Variants in CNTNAP2 observed in about 807,000 individuals in gnomAD.
The protein encoded by CNTNAP2 is contactin associated protein 2.
Under a neutral mutation model 155.2 loss-of-function variants are expected in CNTNAP2, and 98 were observed. The observed-to-expected ratio is 0.63, with a 90% CI of 0.54 to 0.75. CNTNAP2 has a LOEUF of 0.75. CNTNAP2 is among the 30% of genes least tolerant of loss of function. The pLI is 0.00. For synonymous variants in CNTNAP2, 651 were observed against 631.2 expected, an observed-to-expected ratio of 1.03 and a Z score of -0.47; for missense variants, 1,727 against 1,688.1, an observed-to-expected ratio of 1.02 and a Z score of -0.40.
At chr7:147,243,813 G>T (rs1165037017) in intron 8 of CNTNAP2, among the ~76,000 whole-genome samples, 2 of 151,766 alleles carry the variant, frequency 1.3e-5, no homozygotes, top group African/African-American at 4.8e-5. Context: ...GTCACAAAGG[G>T]CTGTCATGAA....
At chr7:148,117,632 A>G (rs1419382791) in intron 15 of CNTNAP2, among the ~76,000 whole-genome samples, 13 of 152,146 alleles carry the variant, frequency 8.5e-5, no homozygotes, top group Admixed American at 8.5e-4. Flanking sequence ...GACCAAAGCT[A>G]CCAGTACATA....
chr7:146,368,849 C>CAT (rs34394597), intron 1 of CNTNAP2, among the ~76,000 whole-genome samples: 51,213 of 146,134 alleles, frequency 0.35, 8,944 homozygotes, highest in Admixed American at 0.47. Flanking sequence ...AAATTATATA[C>CAT]ATATATATAT....
chr7:147,342,958 A>G (rs1056834592), intron 9 of CNTNAP2, among the ~76,000 whole-genome samples: 6 of 152,074 alleles, frequency 3.9e-5, no homozygotes, highest in Non-Finnish European at 7.4e-5. Flanking sequence ...CACTTTTTTC[A>G]CGGGTCATAA....
intron 1 of CNTNAP2, among the ~76,000 whole-genome samples, chr7:146,298,636 T>G (rs1563026735): frequency 6.6e-6 from 1 of 152,318 alleles, no homozygotes; most frequent in South Asian, 2.1e-4. Context: ...TCTCATCAAT[T>G]TACTTTTCAC....
At chr7:147,998,778 A>G (rs2116890820) in intron 15 of CNTNAP2, among the ~76,000 whole-genome samples, 1 of 152,300 alleles carries the variant, frequency 6.6e-6, no homozygotes, top group African/African-American at 2.4e-5. Context: ...AACCAGAAAA[A>G]CCGACAAATG....
chr7:148,189,457 C>G (rs1206066923), intron 18 of CNTNAP2, among the ~76,000 whole-genome samples: 1 of 152,022 alleles, frequency 6.6e-6, no homozygotes, highest in African/African-American at 2.4e-5. Flanking sequence ...TATAAGGAAC[C>G]GACTCCTGCA....
At chr7:148,009,011 G>A (rs1477699039) in intron 15 of CNTNAP2, among the ~76,000 whole-genome samples, 1 of 152,146 alleles carries the variant, frequency 6.6e-6, no homozygotes, top group Non-Finnish European at 1.5e-5. Flanking sequence ...TGACATGGTT[G>A]GTCACTGATC....
At chr7:148,403,162 T>G (rs1799628254) in intron 22 of CNTNAP2, among the ~76,000 whole-genome samples, 1 of 139,862 alleles carries the variant, frequency 7.1e-6, no homozygotes, top group African/African-American at 2.7e-5. Context: ...AGTACGTTCC[T>G]GGGAGAAGAC....
chr7:146,366,715 T>G (rs1327783257), intron 1 of CNTNAP2, among the ~76,000 whole-genome samples: 1 of 152,114 alleles, frequency 6.6e-6, no homozygotes. Context: ...GAGACTAAAG[T>G]CCGAACTGAT....
intron 14 of CNTNAP2, among the ~76,000 whole-genome samples, chr7:147,933,056 GGTTT>G (rs71527856): frequency 0.27 from 39,451 of 145,042 alleles, 6,981 homozygotes; most frequent in African/African-American, 0.51. Flanking sequence ...TATTTGAGGG[GGTTT>G]GTTTGTTTGT....
chr7:146,336,829 A>G (rs1801285499), intron 1 of CNTNAP2, among the ~76,000 whole-genome samples: 1 of 152,218 alleles, frequency 6.6e-6, no homozygotes, highest in South Asian at 2.1e-4. Flanking sequence ...TCTCAAGGGC[A>G]GTATGCTGAG....
intron 10 of CNTNAP2, among the ~76,000 whole-genome samples, chr7:147,474,888 G>C (rs141230883): frequency 0.016 from 2,407 of 152,142 alleles, 27 homozygotes; most frequent in Middle Eastern, 0.031. Context: ...TTCTTGGAGG[G>C]GAAAATGGAG....
intron 3 of CNTNAP2, among the ~76,000 whole-genome samples, chr7:146,923,342 T>C (rs1796541961): frequency 6.6e-6 from 1 of 152,152 alleles, no homozygotes; most frequent in Non-Finnish European, 1.5e-5. Flanking sequence ...GTGATGAAGT[T>C]TGTAAGAAAC....
intron 1 of CNTNAP2, among the ~76,000 whole-genome samples, chr7:146,369,579 T>G (rs976015637): frequency 6.6e-6 from 1 of 152,170 alleles, no homozygotes; most frequent in African/African-American, 2.4e-5. Context: ...CAGAAAGGAC[T>G]TTTGATTTCT....
chr7:147,866,728 A>T (rs1442275745), intron 13 of CNTNAP2, among the ~76,000 whole-genome samples: 1 of 148,476 alleles, frequency 6.7e-6, no homozygotes, highest in Admixed American at 6.7e-5. Context: ...CTGTTTTATC[A>T]GAGACTAGGA....
intron 3 of CNTNAP2, among the ~76,000 whole-genome samples, chr7:146,855,508 C>T (rs746795763): frequency 3.3e-5 from 5 of 151,708 alleles, no homozygotes; most frequent in East Asian, 3.9e-4. Flanking sequence ...TGAAGAAAAC[C>T]GATAAAATAT....
intron 10 of CNTNAP2, among the ~76,000 whole-genome samples, chr7:147,407,857 T>C (rs1303537390): frequency 6.6e-6 from 1 of 152,108 alleles, no homozygotes; most frequent in Non-Finnish European, 1.5e-5. Context: ...TAGCCTCGGA[T>C]GATGAGAAAG....
chr7:147,508,720 AG>A (rs1798960118), intron 11 of CNTNAP2, among the ~76,000 whole-genome samples: 1 of 152,170 alleles, frequency 6.6e-6, no homozygotes, highest in Non-Finnish European at 1.5e-5. Flanking sequence ...TTCTCAGCAT[AG>A]GGAATACGTC....
At chr7:146,700,046 G>A (rs1016472344) in intron 1 of CNTNAP2, among the ~76,000 whole-genome samples, 4 of 152,116 alleles carry the variant, frequency 2.6e-5, no homozygotes, top group African/African-American at 9.7e-5. Flanking sequence ...AAAAGAACAA[G>A]GGGATTTTTC....
Sources: gnomAD v4.1 joint callset for allele counts (sites outside exome capture counted in the v4.1 genomes callset) on GRCh38, gnomAD v4.1.1 for gene constraint, MANE v1.5 for transcripts, NCBI Gene and HGNC (gene_info 2026-07-23, HGNC 2026-07-21) for gene names.